The following GPR158 variants were observed in gnomAD, a reference collection of about 807,000 sequenced individuals.
The protein encoded by GPR158 is G protein-coupled receptor 158.
A neutral mutation model predicts 78.2 loss-of-function variants in GPR158; 30 were observed. That is an observed-to-expected ratio of 0.38 (90% confidence interval 0.29 to 0.52). GPR158 has a LOEUF of 0.52. GPR158 is among the 20% of genes least tolerant of loss of function. The probability of loss-of-function intolerance (pLI) is 0.83; values close to 1 mark genes in which losing one functional copy is unlikely to be tolerated. For missense variants in GPR158, 1,463 were observed against 1,523.5 expected (o/e 0.96, Z 0.66); for synonymous variants, 581 against 591.1 (o/e 0.98, Z 0.25).
chr10:25,424,030 C>A (rs1301961333), intron 4 of GPR158, among the ~76,000 whole-genome samples: 1 of 152,204 alleles, frequency 6.6e-6, no homozygotes, highest in Non-Finnish European at 1.5e-5. Flanking sequence ...TCTCCACATC[C>A]TCTCCAGCAC....
chr10:25,517,582 G>C (rs1357043146), intron 5 of GPR158, among the ~76,000 whole-genome samples: 3 of 152,028 alleles, frequency 2.0e-5, no homozygotes, highest in Non-Finnish European at 4.4e-5. Context: ...TTAGCATGAA[G>C]GGTTGTTGAA....
At chr10:25,383,815 C>T (rs752856689) in intron 2 of GPR158, among the ~76,000 whole-genome samples, 4 of 152,238 alleles carry the variant, frequency 2.6e-5, no homozygotes, top group Non-Finnish European at 5.9e-5. Context: ...AGCATCTGTT[C>T]CTCATTTATG....
intron 4 of GPR158, among the ~76,000 whole-genome samples, chr10:25,448,167 C>T (rs1835163568): frequency 6.7e-6 from 1 of 149,978 alleles, no homozygotes; most frequent in African/African-American, 2.5e-5. Context: ...TCACTGCAAG[C>T]TCTGCCTCCC....
chr10:25,499,601 A>G (rs1401424408), intron 5 of GPR158, among the ~76,000 whole-genome samples: 2 of 152,270 alleles, frequency 1.3e-5, no homozygotes. Context: ...AGAAAATGAC[A>G]TTAACTAATA....
At chr10:25,229,575 G>A (rs1042470137) in intron 2 of GPR158, among the ~76,000 whole-genome samples, 1 of 152,132 alleles carries the variant, frequency 6.6e-6, no homozygotes, top group African/African-American at 2.4e-5. Flanking sequence ...GGCCAAGACA[G>A]GTTAAATAAC....
intron 5 of GPR158, among the ~76,000 whole-genome samples, chr10:25,514,178 G>A (rs983575010): frequency 3.9e-5 from 6 of 151,962 alleles, no homozygotes; most frequent in African/African-American, 1.5e-4. Flanking sequence ...TTATAAATTT[G>A]GGAGCTCCAG....
At chr10:25,439,105 T>C (rs1835034957) in intron 4 of GPR158, among the ~76,000 whole-genome samples, 1 of 152,172 alleles carries the variant, frequency 6.6e-6, no homozygotes, top group Admixed American at 6.5e-5. Context: ...GAAAAAGTCT[T>C]GTATTAGTCC....
chr10:25,535,073 G>A (rs1441694810), intron 5 of GPR158, among the ~76,000 whole-genome samples: 1 of 152,124 alleles, frequency 6.6e-6, no homozygotes, highest in Admixed American at 6.6e-5. Flanking sequence ...ATACTCTGGG[G>A]ATCTCATAGC....
intron 2 of GPR158, among the ~76,000 whole-genome samples, chr10:25,349,168 GT>G (rs748552886): frequency 2.0e-5 from 3 of 151,970 alleles, no homozygotes; most frequent in Non-Finnish European, 4.4e-5. Context: ...TTTCTTGGTT[GT>G]TTGCAGCTTC....
intron 2 of GPR158, among the ~76,000 whole-genome samples, chr10:25,274,109 G>A (rs1224877879): frequency 2.6e-5 from 4 of 152,122 alleles, no homozygotes; most frequent in African/African-American, 9.7e-5. Context: ...TCTGCCTACA[G>A]TTATTTATTC....
intron 3 of GPR158, among the ~76,000 whole-genome samples, chr10:25,410,166 G>T (rs150909225): frequency 5.9e-5 from 9 of 152,140 alleles, no homozygotes. Flanking sequence ...GATCTCTGCA[G>T]GTTCTCTCTG....
At chr10:25,554,677 C>A (rs1836765000) in intron 6 of GPR158, among the ~76,000 whole-genome samples, 1 of 152,138 alleles carries the variant, frequency 6.6e-6, no homozygotes, top group Admixed American at 6.6e-5. Flanking sequence ...CCAAAGACTA[C>A]TATAATAATC....
At chr10:25,398,747 G>A (rs1834401408) in intron 3 of GPR158, among the ~76,000 whole-genome samples, 2 of 152,214 alleles carry the variant, frequency 1.3e-5, no homozygotes, top group Admixed American at 1.3e-4. Context: ...AGCCATGAAA[G>A]AGAGGCCACT....
chr10:25,599,334 T>A lies in GPR158; in HGVS notation c.*60T>A, dbSNP rs375155438. ...CGGATTGGATATGAGACAGAAGATA[T>A]AAGAATCAAATATTCCCAAGGAGGA... On this transcript the variant is annotated 3_prime_UTR_variant, in exon 11 of 11. Coordinates refer to ENST00000376351, the MANE Select transcript of GPR158 (RefSeq NM_020752.3). 1 of 1,236,676 alleles carries A rather than the reference T, an allele frequency of 8.1e-7. No individual in the cohort carries two copies. Among genetic ancestry groups the A allele is most frequent in the Non-Finnish European group, 1.1e-6 (1 of 883,178 alleles). 76.6% of individuals were successfully genotyped at this position (1,236,676 alleles called of 1,614,324 possible). A position where few individuals can be genotyped will look rare whatever the true frequency, so the allele number is the denominator to read the frequency against.
chr10:25,444,832 C>T (rs1835119375), intron 4 of GPR158, among the ~76,000 whole-genome samples: 1 of 152,038 alleles, frequency 6.6e-6, no homozygotes, highest in Non-Finnish European at 1.5e-5. Context: ...ATGTACAGTT[C>T]CTTAGAGAAC....
At chr10:25,571,597 T>C (rs976688753) in intron 6 of GPR158, among the ~76,000 whole-genome samples, 1 of 152,200 alleles carries the variant, frequency 6.6e-6, no homozygotes, top group Non-Finnish European at 1.5e-5. Context: ...AAACCACTCA[T>C]GGTGGCTTAT....
At chr10:25,380,944 T>G (rs66530488) in intron 2 of GPR158, among the ~76,000 whole-genome samples, 12,327 of 152,252 alleles carry the variant, frequency 0.081, 558 homozygotes, top group South Asian at 0.21. Flanking sequence ...TCTGGGCTTC[T>G]GCAGTTAGCA....
chr10:25,206,770 A>T (rs753260054), intron 1 of GPR158, among the ~76,000 whole-genome samples: 3 of 151,852 alleles, frequency 2.0e-5, no homozygotes, highest in Non-Finnish European at 2.9e-5. Flanking sequence ...TTGATTTCTG[A>T]TGGTTAAATA....
intron 2 of GPR158, among the ~76,000 whole-genome samples, chr10:25,332,117 G>A (rs879659549): frequency 2.0e-5 from 3 of 151,904 alleles, no homozygotes; most frequent in East Asian, 1.9e-4. Context: ...AATCACCTGG[G>A]GGGGGGCGAA....
Sources: allele counts gnomAD v4.1 joint callset (sites outside exome capture counted in the v4.1 genomes callset), GRCh38; gene constraint gnomAD v4.1.1; transcripts MANE v1.5; gene names NCBI Gene and HGNC (gene_info 2026-07-23, HGNC 2026-07-21).